EXOSC9: variants seen among roughly 807,000 people sequenced by gnomAD.
EXOSC9 encodes exosome complex component RRP45.
A neutral mutation model predicts 56.5 loss-of-function variants in EXOSC9; 38 were observed. That is an observed-to-expected ratio of 0.67 (90% confidence interval 0.52 to 0.88). The LOEUF is 0.88. Ranked by LOEUF, EXOSC9 falls within the 40% of genes least tolerant of loss-of-function variation. The pLI is 0.00. For missense variants in EXOSC9, 559 were observed against 530.5 expected, an observed-to-expected ratio of 1.05 and a Z score of -0.53; for synonymous variants, 170 against 170.8, an observed-to-expected ratio of 0.99 and a Z score of 0.04.
intron 8 of EXOSC9, among the ~76,000 whole-genome samples, chr4:121,813,029 G>A (rs1724298564): frequency 6.6e-6 from 1 of 152,168 alleles, no homozygotes; most frequent in Admixed American, 6.6e-5. Flanking sequence ...ACATGGTCTG[G>A]CACGTGGTTT....
chr4:121,809,733 C>T (rs1175131112), intron 6 of EXOSC9: 6 of 534,706 alleles, frequency 1.1e-5, no homozygotes, highest in Admixed American at 6.6e-5. Flanking sequence ...TAAATCCAAT[C>T]TGAACTTAAT....
intron 5 of EXOSC9, 48 bp from the exon 6 acceptor site, chr4:121,807,492 G>A: frequency 8.5e-7 from 1 of 1,182,110 alleles, no homozygotes; most frequent in Non-Finnish European, 1.2e-6. Flanking sequence ...TTTTTTGGAT[G>A]TTCATAACTT....
At position 121,807,611 on chromosome 4, in the gene EXOSC9, T is replaced by C; in HGVS notation, c.594T>C (p.Phe198=). The C allele has an allele frequency of 6.2e-7, 1 of 1,611,570 alleles. No homozygotes were observed. The highest frequency in any genetic ancestry group is 1.1e-5 in the South Asian group (1 of 91,026). The change falls in exon 6 of 12, where the codon TTT becomes TTC. Residue 198 remains phenylalanine, a synonymous_variant. Transcript: ENST00000243498. ...HHMPICVSFA[F]FQQGTYLLVD... is the part of the protein sequence containing the mutation. ...TGCCCATTTGTGTCAGTTTTGCCTT[T>C]TTCCAGCAAGGGTAAGCCTCGCCTT...
At chr4:121,816,582 T>C (rs13117978) in intron 11 of EXOSC9, 135 bp downstream of exon 11, 4 of 804,284 alleles carry the variant, frequency 5.0e-6, no homozygotes, top group East Asian at 5.5e-5. Context: ...GATCCATCTG[T>C]TCTGTGATTT....
At chr4:121,801,986 T>G in intron 2 of EXOSC9, 65 bp downstream of exon 2, 1 of 1,132,370 alleles carries the variant, frequency 8.8e-7, no homozygotes, top group Non-Finnish European at 1.3e-6. Context: ...CTTATTGACT[T>G]GGTTGTTTAT....
At chr4:121,812,641 C>T (rs185367510) in intron 8 of EXOSC9, among the ~76,000 whole-genome samples, 56 of 152,222 alleles carry the variant, frequency 3.7e-4, no homozygotes, top group South Asian at 2.7e-3. Flanking sequence ...CAGATGCATA[C>T]CACCATGCCC....
rs780101431 is a variant in EXOSC9, at chr4:121,816,363, A to G, written c.1157-6A>G. ...TTTTTTTTTTTAAATTAATAAAAAA[A>G]CAAAGATGCTCCCATAATACTCTCA... On this transcript the variant is annotated splice_region_variant and splice_polypyrimidine_tract_variant and intron_variant, in intron 10 of 11. Transcript: ENST00000243498. 6.7e-7 allele frequency: 1 copy of G among 1,483,020 alleles called. No homozygotes were observed. Among genetic ancestry groups the G allele is most frequent in the East Asian group, 2.4e-5 (1 of 42,536 alleles). The allele number at this position is 1,483,020 out of a possible 1,614,324, so 91.9% of individuals were successfully genotyped here.
rs533678536 is a variant in EXOSC9 at position 121,813,888 on chromosome 4, A to C, written c.997A>C (p.Thr333Pro). ...SEVVSTPVLWTPGTAQIGEGV... is the reference protein window; with the variant it reads ...SEVVSTPVLWPPGTAQIGEGV... ...AAGTGTTTCTACACCTGTGCTATGG[A>C]CTCCTGGAACTGCCCAAATTGGAGA... The change falls in exon 10 of 12, where the codon ACT (threonine) becomes CCT (proline). Residue 333 changes from threonine to proline, a missense_variant. Physicochemically the swap from Thr to Pro is conservative, Grantham distance 38. Transcript: ENST00000243498. 4.2e-4 allele frequency: 671 copies of C among 1,612,504 alleles called. 8 individuals carry two copies. In the South Asian group the frequency reaches 6.6e-3, roughly 16 times the overall value.
intron 6 of EXOSC9, among the ~76,000 whole-genome samples, chr4:121,808,279 G>GT (rs1401545781): frequency 1.3e-5 from 2 of 152,186 alleles, no homozygotes; most frequent in South Asian, 2.1e-4. Flanking sequence ...TTTAGTGATT[G>GT]TAAGTGTAGA....
Position 121,816,861 on chromosome 4 carries a change from AAC to A in EXOSC9, c.*7_*8del. 7.6e-6 allele frequency: 12 copies of A among 1,574,916 alleles called. No individual in the cohort carries two copies. Among genetic ancestry groups the A allele is most frequent in the Non-Finnish European group, 1.0e-5 (12 of 1,156,596 alleles). ...AAGAAGAGAGCTGCCAATTAAAGCT[AAC>A]AGTTGTATATCTGTATATATAACTA... On this transcript the variant is annotated 3_prime_UTR_variant, in exon 12 of 12. Transcript: ENST00000243498.
chr4:121,801,954 AG>A (rs1560621524), intron 2 of EXOSC9, 33 bp downstream of exon 2: 2 of 1,458,662 alleles, frequency 1.4e-6, no homozygotes, highest in East Asian at 4.5e-5. Context: ...CACATTCGGA[AG>A]GGAGAAGTTT....
Position 121,811,658 on chromosome 4 carries a change from G to A in EXOSC9, c.814G>A (p.Asp272Asn), listed in dbSNP as rs370403131. The A allele has an allele frequency of 9.0e-6, 14 of 1,556,782 alleles. No homozygotes were observed. In the African/African-American group the frequency reaches 1.6e-4, roughly 18 times the overall value. The change falls in exon 8 of 12, where the codon GAC (aspartate) becomes AAC (asparagine). Residue 272 changes from aspartate to asparagine, a missense_variant. Transcript: ENST00000243498. The stretch of plus-strand genomic sequence containing the variant: ...GCTAATATTGAAAGCTTTGGAGAAT[G>A]ACCAAAAAGTAAGGTAAGTAACTTT... ...TELILKALENDQKVRKEGGKF... is the reference protein window; with the variant it reads ...TELILKALENNQKVRKEGGKF...
chr4:121,816,819 C>T lies in EXOSC9; in HGVS notation c.1283C>T (p.Pro428Leu). 1 of 1,600,228 alleles carries T rather than the reference C, an allele frequency of 6.2e-7. No homozygotes were observed. ...CAAGAAAAAGCACCAAGTAAAAAGC[C>T]AGTGAAAAGAAGAAAAAAGAAGAGA... ...AKQEKAPSKK[P>L]VKRRKKKRAA... is the part of the protein sequence containing the mutation. The change falls in exon 12 of 12, where the codon CCA becomes CTA. Residue 428 changes from proline to leucine, a missense_variant. Coordinates refer to ENST00000243498, the MANE Select transcript of EXOSC9 (RefSeq NM_005033.3).
chr4:121,816,909 A>T lies in EXOSC9; in HGVS notation c.*53A>T. 2 of 1,427,480 alleles carry T rather than the reference A, an allele frequency of 1.4e-6. No individual in the cohort carries two copies. The highest frequency in any genetic ancestry group is 1.9e-6 in the Non-Finnish European group (2 of 1,070,478). The allele number at this position is 1,427,480 out of a possible 1,614,324, so 88.4% of individuals were successfully genotyped here. ...AACTATTAAAAGGGATATTTATTCC[A>T]TTCTGAGAACCCTGGGTATTTTTTA... On this transcript the variant is annotated 3_prime_UTR_variant, in exon 12 of 12. Transcript: ENST00000243498.
intron 2 of EXOSC9, among the ~76,000 whole-genome samples, chr4:121,802,442 T>C (rs1226985319): frequency 6.6e-6 from 1 of 152,252 alleles, no homozygotes; most frequent in East Asian, 1.9e-4. Context: ...ATCTGTGGAA[T>C]AGTAAACATT....
At chr4:121,816,295 A>G in intron 10 of EXOSC9, 74 bp from the exon 11 acceptor site, 1 of 866,740 alleles carries the variant, frequency 1.2e-6, no homozygotes, top group South Asian at 2.0e-5. Flanking sequence ...ATAGAAATAA[A>G]TTCATGTAGA....
chr4:121,806,849 G>A (rs1430494164), intron 5 of EXOSC9, among the ~76,000 whole-genome samples: 1 of 152,122 alleles, frequency 6.6e-6, no homozygotes, highest in South Asian at 2.1e-4. Context: ...TGGGGCTAGG[G>A]TGGGAGTACA....
At position 121,804,147 on chromosome 4, in the gene EXOSC9, C is replaced by T. The variant is rs570122303; in HGVS notation, c.385-475C>T. Reference sequence around the variant, plus strand: ...TCCCGAATAGCTAGGACTATAGGCGCGTGCCACTCCACCCAGCTAACTAAA... The same window carrying T: ...TCCCGAATAGCTAGGACTATAGGCGTGTGCCACTCCACCCAGCTAACTAAA... On this transcript the variant is annotated intron_variant, in intron 4 of 11. Coordinates refer to ENST00000243498, the MANE Select transcript of EXOSC9 (RefSeq NM_005033.3). Among the ~76,000 whole-genome samples the T allele has an allele frequency of 1.2e-4, 18 of 151,084 alleles. No homozygotes were observed. In the South Asian group the frequency reaches 2.9e-3, roughly 25 times the overall value.
intron 11 of EXOSC9, 80 bp downstream of exon 11, chr4:121,816,527 C>A: frequency 1.0e-6 from 1 of 961,654 alleles, no homozygotes; most frequent in Non-Finnish European, 1.6e-6. Context: ...TTACTCTCAT[C>A]TTGCCACATG....
Sources: allele counts gnomAD v4.1 joint callset (sites outside exome capture counted in the v4.1 genomes callset), GRCh38; gene constraint gnomAD v4.1.1; transcripts MANE v1.5; gene names NCBI Gene and HGNC (gene_info 2026-07-23, HGNC 2026-07-21).